The following NLRP5 variants were observed in gnomAD, a reference collection of about 807,000 sequenced individuals.
NLRP5 encodes NLR family pyrin domain containing 5.
NLRP5 carries 93 observed loss-of-function variants against 113.1 expected under a neutral mutation model. The observed-to-expected ratio is 0.82, with a 90% CI of 0.70 to 0.98. The LOEUF (loss-of-function observed/expected upper bound fraction) is 0.98, where lower values mean the gene tolerates loss of function less well. Ranked by LOEUF, NLRP5 falls within the 50% of genes least tolerant of loss-of-function variation. The pLI is 0.00. For synonymous variants in NLRP5, 751 were observed against 600.7 expected (o/e 1.25, Z -3.66); for missense variants, 1,808 against 1,514.3 (o/e 1.19, Z -3.22).
At chr19:56,017,058 C>G (rs957446581) in intron 4 of NLRP5, among the ~76,000 whole-genome samples, 1 of 152,158 alleles carries the variant, frequency 6.6e-6, no homozygotes, top group Non-Finnish European at 1.5e-5. Context: ...CCGCCCGCCT[C>G]GGCCTCCCAA....
chr19:56,007,882 T>TGC (rs1245982556), intron 2 of NLRP5, among the ~76,000 whole-genome samples: 6 of 115,136 alleles, frequency 5.2e-5, no homozygotes, highest in Non-Finnish European at 7.7e-5. Flanking sequence ...TGTGTGTGTG[T>TGC]GTGTGTGCGC....
chr19:56,004,187 C>T (rs1347705878), intron 2 of NLRP5, 92 bp downstream of exon 2: 2 of 1,346,676 alleles, frequency 1.5e-6, no homozygotes, highest in African/African-American at 2.9e-5. Context: ...CAGTAACCGG[C>T]TCCACCTCTG....
chr19:55,990,464 G>C, the NLRP5 span, among the ~76,000 whole-genome samples: 1 of 152,012 alleles, frequency 6.6e-6, no homozygotes. Context: ...GCCGAGGCAG[G>C]TGGATCATTT....
rs567427822 is a variant in NLRP5, at chr19:56,040,553, C to T, written c.2787-369C>T. On this transcript the variant is annotated intron_variant, in intron 10 of 14. Transcript: ENST00000390649. ...CTGCACTCCAGCCTGGGCAACAGAGCGAGACTCCATCTCAAATAAATAAAA... is the reference window on the plus strand; with the variant it reads ...CTGCACTCCAGCCTGGGCAACAGAGTGAGACTCCATCTCAAATAAATAAAA... Among the ~76,000 whole-genome samples, 58 of 152,118 alleles carry T rather than the reference C, an allele frequency of 3.8e-4. 1 individual carries two copies. The South Asian group carries it at 0.011, about 29-fold the overall frequency.
chr19:56,021,235 A>G (rs1447185704), intron 6 of NLRP5, among the ~76,000 whole-genome samples: 2 of 152,216 alleles, frequency 1.3e-5, no homozygotes, highest in Non-Finnish European at 2.9e-5. Flanking sequence ...AGATGAGTCT[A>G]AAGTGCTATA....
upstream of NLRP5, among the ~76,000 whole-genome samples, chr19:55,998,692 ATATATATATATG>A (rs1981444394): frequency 1.9e-5 from 1 of 51,536 alleles, no homozygotes; most frequent in Non-Finnish European, 4.1e-5. Flanking sequence ...ATATATATAT[ATATATATATATG>A]TGTGTGTGTG....
chr19:56,059,402 C>T (rs1477482627), intron 14 of NLRP5, among the ~76,000 whole-genome samples: 2 of 152,184 alleles, frequency 1.3e-5, no homozygotes, highest in African/African-American at 4.8e-5. Flanking sequence ...TATCCGTAGA[C>T]TAACAGGAGT....
At chr19:55,991,892 G>T in the NLRP5 span, among the ~76,000 whole-genome samples, 3 of 152,062 alleles carry the variant, frequency 2.0e-5, no homozygotes, top group East Asian at 5.8e-4. Context: ...TTTAGTTTTG[G>T]GGGTACATGT....
At chr19:56,026,499 GCCTGGGTGACAGAGCAAGA>G (rs1982853883) in intron 6 of NLRP5, among the ~76,000 whole-genome samples, 1 of 118,114 alleles carries the variant, frequency 8.5e-6, no homozygotes, top group Admixed American at 9.9e-5. Flanking sequence ...CTGCACTCCA[GCCTGGGTGACAGAGCAAGA>G]CTCCATCTCA....
chr19:56,046,308 G>A (rs1462544186), intron 11 of NLRP5, among the ~76,000 whole-genome samples: 2 of 152,078 alleles, frequency 1.3e-5, no homozygotes. Flanking sequence ...TGATCATGGT[G>A]GATTATCTGA....
At chr19:56,037,268 C>T (rs1199891556) in intron 9 of NLRP5, among the ~76,000 whole-genome samples, 1 of 152,152 alleles carries the variant, frequency 6.6e-6, no homozygotes, top group Admixed American at 6.5e-5. Context: ...GCTCGAGTGC[C>T]CTTTGTGTAC....
chr19:56,051,208 A>G (rs534124894), intron 12 of NLRP5, among the ~76,000 whole-genome samples: 19 of 152,010 alleles, frequency 1.2e-4, no homozygotes, highest in South Asian at 8.3e-4. Flanking sequence ...TTGTTTGTTT[A>G]TTTATTTTGA....
chr19:55,998,714 GTA>G (rs1555762453), upstream of NLRP5, among the ~76,000 whole-genome samples: 25 of 75,976 alleles, frequency 3.3e-4, no homozygotes, highest in South Asian at 1.6e-3. Context: ...GTGTGTGTGT[GTA>G]TATATATATA....
At chr19:56,048,642 C>G (rs1341867990) in intron 11 of NLRP5, among the ~76,000 whole-genome samples, 2 of 152,080 alleles carry the variant, frequency 1.3e-5, no homozygotes, top group Non-Finnish European at 2.9e-5. Context: ...TCTCACAGTT[C>G]TTAAGATTCT....
chr19:56,053,713 G>T lies in NLRP5; in HGVS notation c.3204G>T (p.Lys1068Asn). The stretch of plus-strand genomic sequence containing the variant: ...TGATCTCGAGGAGCAGACACCTGAA[G>T]AGCCTGGATCTCACGGACAATGCCC... The change falls in exon 13 of 15, where the codon AAG becomes AAT. Residue 1068 changes from lysine (K) to asparagine (N), a missense_variant. Transcript: ENST00000390649. 2 of 1,613,916 alleles carry T rather than the reference G, an allele frequency of 1.2e-6. No homozygotes were observed. Among genetic ancestry groups the T allele is most frequent in the Non-Finnish European group, 1.7e-6 (2 of 1,179,874 alleles).
rs201629952 is a variant in NLRP5, at chr19:56,028,022, G to A, written c.1789G>A (p.Val597Met). Residue 597 changes from valine (V) to methionine (M), a missense_variant, in exon 7 of 15, where the codon GTG becomes ATG. Coordinates refer to ENST00000390649, the MANE Select transcript of NLRP5 (RefSeq NM_153447.4). ...GGACTTCTGTGCCGCCTTGTACTAC[G>A]TGTTAGAGGGCCTGGAAATCGAGCC... 132 of 1,613,884 alleles carry A rather than the reference G, an allele frequency of 8.2e-5. No homozygotes were observed. Among genetic ancestry groups the A allele is most frequent in the Middle Eastern group, 1.6e-4 (1 of 6,084 alleles).
chr19:55,990,092 T>C, the NLRP5 span, among the ~76,000 whole-genome samples: 932 of 72,446 alleles, frequency 0.013, 17 homozygotes, highest in South Asian at 0.057. Flanking sequence ...TTTTTTTTTT[T>C]TTTTTTTTTT....
At chr19:55,987,521 T>C in the NLRP5 span, among the ~76,000 whole-genome samples, 5 of 152,198 alleles carry the variant, frequency 3.3e-5, no homozygotes, top group African/African-American at 1.2e-4. Context: ...TGAAATGCCA[T>C]ACAATTCTGA....
chr19:56,060,094 A>G (rs139757232), intron 14 of NLRP5, among the ~76,000 whole-genome samples: 37 of 152,268 alleles, frequency 2.4e-4, no homozygotes, highest in African/African-American at 8.7e-4. Context: ...AATGAGCTGA[A>G]AAGGTGGAGT....
Sources: allele counts gnomAD v4.1 joint callset (sites outside exome capture counted in the v4.1 genomes callset), GRCh38; gene constraint gnomAD v4.1.1; transcripts MANE v1.5; gene names NCBI Gene and HGNC (gene_info 2026-07-23, HGNC 2026-07-21).